Variants in ZIM3 observed in about 807,000 individuals in gnomAD.
The protein encoded by ZIM3 is zinc finger imprinted 3.
Under a neutral mutation model 12.9 loss-of-function variants are expected in ZIM3, and 11 were observed. The observed-to-expected ratio is 0.85, with a 90% confidence interval of 0.54 to 1.41. The LOEUF is 1.41. Ranked by LOEUF, ZIM3 falls within the 40% of genes most tolerant of loss-of-function variation. ZIM3 has a pLI of 0.00. For missense variants in ZIM3, 604 were observed against 557.2 expected, an observed-to-expected ratio of 1.08 and a Z score of -0.85; for synonymous variants, 205 against 198.5, an observed-to-expected ratio of 1.03 and a Z score of -0.28.
intron 1 of ZIM3, among the ~76,000 whole-genome samples, chr19:57,143,451 C>G (rs1000926292): frequency 1.3e-5 from 2 of 151,980 alleles, no homozygotes; most frequent in Non-Finnish European, 2.9e-5. Flanking sequence ...TAAGGAAGGC[C>G]GAGAGCAGAA....
At chr19:57,136,411 C>T (rs1412580798) in intron 4 of ZIM3, among the ~76,000 whole-genome samples, 1 of 152,058 alleles carries the variant, frequency 6.6e-6, no homozygotes, top group East Asian at 1.9e-4. Context: ...ACCTGTAATC[C>T]TAGCACTTTG....
At chr19:57,144,590 A>G (rs2086929280) in intron 1 of ZIM3, among the ~76,000 whole-genome samples, 3 of 152,188 alleles carry the variant, frequency 2.0e-5, no homozygotes, top group Admixed American at 1.3e-4. Flanking sequence ...AAACACAATT[A>G]TTATTTGTCA....
chr19:57,134,956 A>G lies in ZIM3; in HGVS notation c.1381T>C (p.Tyr461His), dbSNP rs148338317. Reference sequence around the variant, plus strand: ...ATTCTTTTCTGGTGCCTAACAAGGTATGACCTGTCAGCGAAGGCTTTACCG... The same window carrying G: ...ATTCTTTTCTGGTGCCTAACAAGGTGTGACCTGTCAGCGAAGGCTTTACCG... ...ECGKAFADRS[Y>H]LVRHQKRIHS... is the part of the protein sequence containing the mutation. Residue 461 changes from tyrosine to histidine, a missense_variant, in exon 5 of 5, where the codon TAC becomes CAC. Transcript: ENST00000269834. 2 of 1,613,958 alleles carry G rather than the reference A, an allele frequency of 1.2e-6. No individual in the cohort carries two copies. The highest frequency in any genetic ancestry group is 2.7e-5 in the African/African-American group (2 of 74,896).
At chr19:57,143,898 G>C (rs1171192217) in intron 1 of ZIM3, among the ~76,000 whole-genome samples, 1 of 151,826 alleles carries the variant, frequency 6.6e-6, no homozygotes, top group Non-Finnish European at 1.5e-5. Flanking sequence ...CTGGTCTCGA[G>C]CTGCTGATCT....
intron 2 of ZIM3, among the ~76,000 whole-genome samples, chr19:57,142,115 C>A (rs982728886): frequency 2.0e-5 from 3 of 150,316 alleles, no homozygotes; most frequent in Non-Finnish European, 2.9e-5. Context: ...GGACCTAGAC[C>A]AAACTCCTGG....
chr19:57,143,346 G>A (rs1242857102), intron 1 of ZIM3, among the ~76,000 whole-genome samples: 6 of 135,202 alleles, frequency 4.4e-5, no homozygotes, highest in Non-Finnish European at 7.9e-5. Flanking sequence ...AAAAAAAAAA[G>A]AGAGAGAGAG....
At chr19:57,141,759 A>C (rs1047617385) in intron 2 of ZIM3, among the ~76,000 whole-genome samples, 13 of 150,978 alleles carry the variant, frequency 8.6e-5, no homozygotes, top group Non-Finnish European at 1.8e-4. Flanking sequence ...GAGGCTGAGG[A>C]AGGAGAATCG....
At chr19:57,143,362 T>G (rs1428981001) in intron 1 of ZIM3, among the ~76,000 whole-genome samples, 1 of 148,312 alleles carries the variant, frequency 6.7e-6, no homozygotes, top group Non-Finnish European at 1.5e-5. Context: ...GAGAGAAAGC[T>G]AAACAGCAGT....
intron 2 of ZIM3, among the ~76,000 whole-genome samples, chr19:57,141,337 G>A (rs1439581709): frequency 6.7e-6 from 1 of 149,976 alleles, no homozygotes; most frequent in African/African-American, 2.5e-5. Context: ...GGAGGTGGAG[G>A]TTGCAGTGAG....
In ZIM3 at chr19:57,134,435, A is replaced by G. The variant is rs998892667; in HGVS notation, c.*483T>C. ...GCTGGGATTACAGGTGCCCACAACT[A>G]TGCCTGGCTAATTTTTGTATTTTTG... On this transcript the variant is annotated 3_prime_UTR_variant, in exon 5 of 5. Transcript: ENST00000269834. The G allele has an allele frequency of 7.8e-5, 12 of 154,596 alleles. No individual in the cohort carries two copies. The highest frequency in any genetic ancestry group is 2.4e-4 in the African/African-American group (10 of 41,392). 9.6% of individuals were successfully genotyped at this position (154,596 alleles called of 1,614,324 possible). A position where few individuals can be genotyped will look rare whatever the true frequency, so the allele number is the denominator to read the frequency against.
chr19:57,136,169 A>G, intron 4 of ZIM3, 74 bp from the exon 5 acceptor site: 1 of 1,352,970 alleles, frequency 7.4e-7, no homozygotes, highest in Non-Finnish European at 1.0e-6. Context: ...GCCATAAACA[A>G]TCTATTGTGG....
In ZIM3 at chr19:57,138,455, C is replaced by T. The variant is rs959379824; in HGVS notation, c.142+17G>A. ...GCCTTAGGTTTTGAGTCCCCCTGCCCGGGAAGCCGTCCTTACCCACAGAGA... is the reference window on the plus strand; with the variant it reads ...GCCTTAGGTTTTGAGTCCCCCTGCCTGGGAAGCCGTCCTTACCCACAGAGA... On this transcript the variant is annotated intron_variant, in intron 3 of 4. Transcript: ENST00000269834. The T allele has an allele frequency of 2.5e-6, 4 of 1,614,026 alleles. No individual in the cohort carries two copies. Among genetic ancestry groups the T allele is most frequent in the South Asian group, 2.2e-5 (2 of 91,074 alleles).
chr19:57,138,913 G>A (rs1012163430), intron 2 of ZIM3, among the ~76,000 whole-genome samples: 2 of 152,192 alleles, frequency 1.3e-5, no homozygotes, highest in Non-Finnish European at 2.9e-5. Flanking sequence ...GGCAGAGGCC[G>A]AGTATGGTGG....
Position 57,135,932 on chromosome 19 carries a change from AG to A in ZIM3, c.404del (p.Ser135PhefsTer20). 6.2e-7 allele frequency: 1 copy of A among 1,614,184 alleles called. No individual in the cohort carries two copies. The highest frequency in any genetic ancestry group is 8.5e-7 in the Non-Finnish European group (1 of 1,180,034). ...TATTTTGTACATAGTGTTGCAAGGA[AG>A]ATACATCATCTATGCCCAGTGGAAG... ...KILPLGIDDV[S>X]SLQHYVQNNS... On this transcript the variant is annotated frameshift_variant, in exon 5 of 5. Coordinates refer to ENST00000269834, the MANE Select transcript of ZIM3 (RefSeq NM_052882.1). LOFTEE classifies it low-confidence loss of function (END_TRUNC).
chr19:57,135,614 A>G lies in ZIM3; in HGVS notation c.723T>C (p.His241=), dbSNP rs1336236550. Reference sequence around the variant, plus strand: ...GTTTCTCTTTAGTATGCATTTTCTGATGTTGAAAGAGATTTGACTTCTGCT... The same window carrying G: ...GTTTCTCTTTAGTATGCATTTTCTGGTGTTGAAAGAGATTTGACTTCTGCT... ...AYKQKSNLFQ[H]QKMHTKEKPY... Residue 241 remains histidine (H), a synonymous_variant, in exon 5 of 5, where the codon CAT becomes CAC. Coordinates refer to ENST00000269834, the MANE Select transcript of ZIM3 (RefSeq NM_052882.1). The G allele has an allele frequency of 6.2e-7, 1 of 1,611,890 alleles. No homozygotes were observed. The highest frequency in any genetic ancestry group is 8.5e-7 in the Non-Finnish European group (1 of 1,178,206).
At chr19:57,141,851 C>CAA (rs145561392) in intron 2 of ZIM3, among the ~76,000 whole-genome samples, 25 of 146,782 alleles carry the variant, frequency 1.7e-4, no homozygotes, top group South Asian at 8.6e-4. Flanking sequence ...GAGACTCCCT[C>CAA]AAAAAAAAAA....
rs1365214492 is a variant in ZIM3, at chr19:57,141,421, AC to A, written c.15+1207del. 4.7e-4 allele frequency among the ~76,000 whole-genome samples: 67 copies of A among 143,410 alleles called. 1 individual carries two copies. The highest frequency in any genetic ancestry group is 1.6e-3 in the African/African-American group (62 of 37,956). The allele number at this position is 143,410 out of a possible 152,430, so 94.1% of individuals were successfully genotyped here. ...CTCAAAAAAAAAAAAAAAAAAAAAAACAACAAAACAAAGATGCTTGAGCTGA... is the reference window on the plus strand; with the variant it reads ...CTCAAAAAAAAAAAAAAAAAAAAAAAAACAAAACAAAGATGCTTGAGCTGA... On this transcript the variant is annotated intron_variant, in intron 2 of 4. Transcript: ENST00000269834.
chr19:57,138,992 GC>G lies in ZIM3; in HGVS notation c.16-395del, dbSNP rs2086901962. The stretch of plus-strand genomic sequence containing the variant: ...GATTGCTTGAGGCCAGGAGTTTGAG[GC>G]TAGCTGGGGAACATAGCAAAACCCC... On this transcript the variant is annotated intron_variant, in intron 2 of 4. Transcript: ENST00000269834. Among the ~76,000 whole-genome samples, 3 of 151,876 alleles carry G rather than the reference GC, an allele frequency of 2.0e-5. No homozygotes were observed. In the South Asian group the frequency reaches 6.2e-4, roughly 32 times the overall value.
At position 57,134,102 on chromosome 19, in the gene ZIM3, CAAAA is replaced by C. The variant is rs927748545; in HGVS notation, c.*812_*815del. 2.6e-5 allele frequency: 4 copies of C among 152,028 alleles called. No individual in the cohort carries two copies. In the East Asian group the frequency reaches 5.8e-4, roughly 22 times the overall value. The allele number at this position is 152,028 out of a possible 1,614,324, so 9.4% of individuals were successfully genotyped here. On this transcript the variant is annotated 3_prime_UTR_variant, in exon 5 of 5. Coordinates refer to ENST00000269834, the MANE Select transcript of ZIM3 (RefSeq NM_052882.1). ...TGACACCCTATCTCAAAAGGAAAAA[CAAAA>C]AAGGCAAATGGCAATTGCAGTGAAG...
Sources: allele counts gnomAD v4.1 joint callset (sites outside exome capture counted in the v4.1 genomes callset), GRCh38; gene constraint gnomAD v4.1.1; transcripts MANE v1.5; gene names NCBI Gene and HGNC (gene_info 2026-07-23, HGNC 2026-07-21).